Variants in SLC30A7 observed in about 807,000 individuals in gnomAD.
The protein encoded by SLC30A7 is zinc transporter 7.
SLC30A7 carries 35 observed loss-of-function variants against 46.0 expected under a neutral mutation model. The ratio of observed to expected loss-of-function variants is 0.76; its 90% CI spans 0.58 to 1.01. The LOEUF (loss-of-function observed/expected upper bound fraction) is 1.01, where lower values mean the gene tolerates loss of function less well. SLC30A7 is among the 50% of genes least tolerant of loss of function. The pLI is 0.00. For synonymous variants in SLC30A7, 147 were observed against 157.8 expected (o/e 0.93, Z 0.51); for missense variants, 464 against 451.1 (o/e 1.03, Z -0.26).
rs140824949 is a variant in SLC30A7 at position 100,925,420 on chromosome 1, A to T, written c.842+3579A>T. ...TTGGCTGCTGTGTGGATAATAGATT[A>T]TAAGGGGGCACAAGTGAGAACAGGC... On this transcript the variant is annotated intron_variant, in intron 8 of 10. Transcript: ENST00000357650. Among the ~76,000 whole-genome samples the T allele has an allele frequency of 1.1e-3, 164 of 152,312 alleles. 2 individuals are homozygous for T. Among genetic ancestry groups the T allele is most frequent in the African/African-American group, 3.8e-3 (159 of 41,580 alleles).
intron 8 of SLC30A7, among the ~76,000 whole-genome samples, chr1:100,926,737 A>G (rs947113637): frequency 2.1e-5 from 3 of 144,552 alleles, no homozygotes; most frequent in Non-Finnish European, 4.6e-5. Context: ...AAATTCAACA[A>G]ATGTTTTAGT....
At chr1:100,964,624 TAA>T (rs901253003) in intron 9 of SLC30A7, among the ~76,000 whole-genome samples, 19 of 152,182 alleles carry the variant, frequency 1.2e-4, no homozygotes, top group African/African-American at 4.6e-4. Flanking sequence ...TCCCATTTTT[TAA>T]TTTGTAAAAT....
intron 8 of SLC30A7, among the ~76,000 whole-genome samples, chr1:100,959,791 G>A (rs1421545124): frequency 6.6e-6 from 1 of 152,144 alleles, no homozygotes; most frequent in South Asian, 2.1e-4. Context: ...ACTTTACATA[G>A]GGCATGAATA....
At chr1:100,962,151 A>T (rs1655584884) in intron 9 of SLC30A7, among the ~76,000 whole-genome samples, 1 of 152,202 alleles carries the variant, frequency 6.6e-6, no homozygotes, top group African/African-American at 2.4e-5. Flanking sequence ...GCAGTTTTTA[A>T]AAATATAGAA....
chr1:100,973,099 A>G (rs1421799403), intron 10 of SLC30A7, among the ~76,000 whole-genome samples: 3 of 151,956 alleles, frequency 2.0e-5, no homozygotes, highest in Non-Finnish European at 4.4e-5. Context: ...CAGCAAAATT[A>G]AAATATATTT....
chr1:100,905,974 G>T (rs1474199134), intron 2 of SLC30A7, among the ~76,000 whole-genome samples: 1 of 152,196 alleles, frequency 6.6e-6, no homozygotes, highest in South Asian at 2.1e-4. Flanking sequence ...CTGTTTAAAA[G>T]AATAATAGAG....
intron 8 of SLC30A7, among the ~76,000 whole-genome samples, chr1:100,935,367 A>T (rs1215538559): frequency 6.6e-6 from 1 of 152,222 alleles, no homozygotes; most frequent in Admixed American, 6.5e-5. Flanking sequence ...TATGCAAGTC[A>T]GTTTAAACTT....
chr1:100,949,062 G>A (rs1280423697), intron 8 of SLC30A7, among the ~76,000 whole-genome samples: 1 of 152,166 alleles, frequency 6.6e-6, no homozygotes, highest in African/African-American at 2.4e-5. Context: ...GCTTTGTTCT[G>A]TTGCTGGTGA....
At chr1:100,966,806 G>C (rs1193245244) in intron 10 of SLC30A7, among the ~76,000 whole-genome samples, 1 of 152,206 alleles carries the variant, frequency 6.6e-6, no homozygotes, top group Non-Finnish European at 1.5e-5. Flanking sequence ...TTCTAAAACA[G>C]TGTTTGGAAT....
At chr1:100,961,253 G>T (rs1655535534) in intron 8 of SLC30A7, among the ~76,000 whole-genome samples, 1 of 151,950 alleles carries the variant, frequency 6.6e-6, no homozygotes, top group African/African-American at 2.4e-5. Flanking sequence ...GAGCCACCGC[G>T]CCCGGCCTGT....
At chr1:100,942,123 G>A (rs1235793667) in intron 8 of SLC30A7, 1 of 180,094 alleles carries the variant, frequency 5.6e-6, no homozygotes, top group Admixed American at 5.9e-5. Context: ...AAACTGCATT[G>A]AGACACCACT....
At chr1:100,914,002 G>A (rs969921967) in intron 6 of SLC30A7, among the ~76,000 whole-genome samples, 196 bp downstream of exon 6, 2 of 152,040 alleles carry the variant, frequency 1.3e-5, no homozygotes, top group Non-Finnish European at 2.9e-5. Flanking sequence ...GTGGATGTTC[G>A]CTTTTTTCCA....
chr1:100,922,228 A>T (rs1382004886), intron 8 of SLC30A7, among the ~76,000 whole-genome samples: 1 of 152,018 alleles, frequency 6.6e-6, no homozygotes, highest in Admixed American at 6.5e-5. Flanking sequence ...AGCCTCTGAA[A>T]GCGCTGGGAT....
chr1:100,966,622 CACAG>C lies in SLC30A7; in HGVS notation c.1083+710_1083+713del, dbSNP rs544348952. 6.5e-3 allele frequency among the ~76,000 whole-genome samples: 984 copies of C among 151,740 alleles called. 16 individuals are homozygous for C. Among genetic ancestry groups the C allele is most frequent in the African/African-American group, 0.02 (843 of 41,374 alleles). On this transcript the variant is annotated intron_variant, in intron 10 of 10. Coordinates refer to ENST00000357650, the MANE Select transcript of SLC30A7 (RefSeq NM_133496.5). ...AAAACCACATTTTTTTTTTTCCGAA[CACAG>C]ACAGAGTCAAGTTTGGGAAATACCT...
At position 100,923,107 on chromosome 1, in the gene SLC30A7, CT is replaced by C. The variant is rs1383725633; in HGVS notation, c.842+1267del. ...CTCGGCTCACTGCAGGCTCCGCCCC[CT>C]GGGGTTCACGCCATTCTCCTGCCTC... On this transcript the variant is annotated intron_variant, in intron 8 of 10. Transcript: ENST00000357650. Among the ~76,000 whole-genome samples the C allele has an allele frequency of 1.9e-5, 2 of 106,270 alleles. 1 individual carries two copies. The highest frequency in any genetic ancestry group is 4.1e-5 in the Non-Finnish European group (2 of 48,288). 69.7% of individuals were successfully genotyped at this position (106,270 alleles called of 152,430 possible).
chr1:100,962,995 A>G (rs1382706232), intron 9 of SLC30A7, among the ~76,000 whole-genome samples: 2 of 152,150 alleles, frequency 1.3e-5, no homozygotes, highest in Non-Finnish European at 2.9e-5. Context: ...CCTTGTTGGT[A>G]CAGGTTTGAG....
chr1:100,965,787 GT>G lies in SLC30A7; in HGVS notation c.955del (p.Tyr319ThrfsTer20). The G allele has an allele frequency of 6.2e-7, 1 of 1,613,764 alleles. No homozygotes were observed. The highest frequency in any genetic ancestry group is 8.5e-7 in the Non-Finnish European group (1 of 1,179,752). On this transcript the variant is annotated frameshift_variant, in exon 10 of 11. Transcript: ENST00000357650. LOFTEE classifies it high-confidence loss of function. Reference sequence around the variant, plus strand: ...ATTTCAGGTACAGCAGTTGCAAGGAGTTTACAGTTTACAGGAACAGCACTTC... The same window carrying G: ...ATTTCAGGTACAGCAGTTGCAAGGAGTTACAGTTTACAGGAACAGCACTTC... ...CYQRVQQLQG[V>X]YSLQEQHFWT...
At chr1:100,945,848 A>T (rs1427326131) in intron 8 of SLC30A7, among the ~76,000 whole-genome samples, 2 of 152,128 alleles carry the variant, frequency 1.3e-5, no homozygotes, top group Non-Finnish European at 2.9e-5. Context: ...CTTGATGGGA[A>T]TGGTATTGAA....
At chr1:100,949,073 G>A (rs558229214) in intron 8 of SLC30A7, among the ~76,000 whole-genome samples, 12 of 152,316 alleles carry the variant, frequency 7.9e-5, no homozygotes, top group African/African-American at 2.9e-4. Context: ...TTGCTGGTGA[G>A]GAGCTGCGAT....
Sources: gnomAD v4.1 joint callset for allele counts (sites outside exome capture counted in the v4.1 genomes callset) on GRCh38, gnomAD v4.1.1 for gene constraint, MANE v1.5 for transcripts, NCBI Gene and HGNC (gene_info 2026-07-23, HGNC 2026-07-21) for gene names.